The following ZNF704 variants were observed in gnomAD, a reference collection of about 807,000 sequenced individuals.
ZNF704 encodes glucocorticoid induced gene 1.
A neutral mutation model predicts 44.7 loss-of-function variants in ZNF704; 10 were observed. The observed-to-expected ratio is 0.22, with a 90% CI of 0.14 to 0.38. The LOEUF (loss-of-function observed/expected upper bound fraction) is 0.38, where lower values mean the gene tolerates loss of function less well. Among genes scored for constraint, ZNF704 ranks in the 10% least tolerant of loss-of-function variants. The pLI is 1.00. For missense variants in ZNF704, 390 were observed against 545.5 expected (o/e 0.71, Z 2.84); for synonymous variants, 211 against 207.6 (o/e 1.02, Z -0.14).
chr8:80,834,889 T>G (rs1808532816), intron 1 of ZNF704, among the ~76,000 whole-genome samples: 1 of 152,212 alleles, frequency 6.6e-6, no homozygotes, highest in Admixed American at 6.5e-5. Flanking sequence ...CTGCATAGTA[T>G]TCCATGGTGT....
intron 2 of ZNF704, among the ~76,000 whole-genome samples, chr8:80,695,790 G>C (rs1296220978): frequency 6.6e-6 from 1 of 152,146 alleles, no homozygotes; most frequent in Admixed American, 6.5e-5. Context: ...ATCATAAAGA[G>C]ATTTACAATG....
chr8:80,666,056 T>C lies in ZNF704; in HGVS notation c.660-974A>G, dbSNP rs189390869. Reference sequence around the variant, plus strand: ...GTATACATGTGCCGTGCTGGTGCGCTGCACCCACTAACTCGTCATCTAGCA... The same window carrying C: ...GTATACATGTGCCGTGCTGGTGCGCCGCACCCACTAACTCGTCATCTAGCA... On this transcript the variant is annotated intron_variant, in intron 5 of 8. Coordinates refer to ENST00000327835, the MANE Select transcript of ZNF704 (RefSeq NM_001033723.3). Among the ~76,000 whole-genome samples the C allele has an allele frequency of 5.2e-3, 788 of 152,034 alleles. 5 individuals carry two copies. Among genetic ancestry groups the C allele is most frequent in the African/African-American group, 0.018 (739 of 41,480 alleles).
intron 2 of ZNF704, among the ~76,000 whole-genome samples, chr8:80,700,745 G>A (rs1818797105): frequency 6.6e-6 from 1 of 152,184 alleles, no homozygotes; most frequent in Non-Finnish European, 1.5e-5. Flanking sequence ...TGGGTACTGA[G>A]GGAATCATTA....
At chr8:80,707,581 G>C (rs1818917294) in intron 2 of ZNF704, among the ~76,000 whole-genome samples, 1 of 152,182 alleles carries the variant, frequency 6.6e-6, no homozygotes, top group Non-Finnish European at 1.5e-5. Context: ...ATATGAAATT[G>C]TGAGTCTTCA....
At position 80,757,456 on chromosome 8, in the gene ZNF704, T is replaced by TA. The variant is rs530552660; in HGVS notation, c.221+63917dup. Among the ~76,000 whole-genome samples the TA allele has an allele frequency of 1.1e-3, 160 of 144,822 alleles. 1 individual carries two copies. Among genetic ancestry groups the TA allele is most frequent in the Middle Eastern group, 3.5e-3 (1 of 286 alleles). ...AGTGTTATTAAAAGAGTCAAAAAGT[T>TA]AAAAAAAAAAACCTTAAATGTTTAT... On this transcript the variant is annotated intron_variant, in intron 2 of 8. Transcript: ENST00000327835.
chr8:80,883,914 T>C, the ZNF704 span, among the ~76,000 whole-genome samples: 1 of 152,222 alleles, frequency 6.6e-6, no homozygotes, highest in East Asian at 1.9e-4. Flanking sequence ...TTTTAGTTTC[T>C]ATGTTTGTTA....
At chr8:80,703,417 G>A (rs1818843834) in intron 2 of ZNF704, among the ~76,000 whole-genome samples, 1 of 152,058 alleles carries the variant, frequency 6.6e-6, no homozygotes, top group Non-Finnish European at 1.5e-5. Flanking sequence ...CGAAGATCAG[G>A]GCTTAGTCTT....
chr8:80,867,389 T>C (rs1277284427), intron 1 of ZNF704, among the ~76,000 whole-genome samples: 2 of 152,188 alleles, frequency 1.3e-5, no homozygotes, highest in African/African-American at 4.8e-5. Context: ...GAGTGAGCTG[T>C]AGATCATTCC....
At chr8:80,664,349 G>A (rs1010215730) in intron 6 of ZNF704, among the ~76,000 whole-genome samples, 8 of 150,146 alleles carry the variant, frequency 5.3e-5, no homozygotes, top group African/African-American at 2.0e-4. Context: ...TCGGCTCACC[G>A]CAACCTCTGC....
chr8:80,849,806 T>C (rs1347277514), intron 1 of ZNF704, among the ~76,000 whole-genome samples: 2 of 152,310 alleles, frequency 1.3e-5, no homozygotes, highest in East Asian at 1.9e-4. Context: ...TTTATGATAG[T>C]TTTTTACATT....
upstream of ZNF704, among the ~76,000 whole-genome samples, chr8:80,878,474 T>C (rs76838860): frequency 0.013 from 1,989 of 152,274 alleles, 42 homozygotes; most frequent in African/African-American, 0.045. Context: ...CCTGTGAAAC[T>C]TTAATAGTTG....
chr8:80,702,583 G>A (rs937874008), intron 2 of ZNF704, among the ~76,000 whole-genome samples: 15 of 152,086 alleles, frequency 9.9e-5, no homozygotes, highest in Non-Finnish European at 2.2e-4. Context: ...GGCTGGACTG[G>A]GCAATGTGTG....
intron 2 of ZNF704, among the ~76,000 whole-genome samples, chr8:80,811,904 G>A (rs1374889191): frequency 6.6e-6 from 1 of 152,178 alleles, no homozygotes; most frequent in Non-Finnish European, 1.5e-5. Flanking sequence ...GGTGGCATTA[G>A]ATTCTCAAAG....
chr8:80,743,191 CAAAAAAAA>C (rs59886049), intron 2 of ZNF704, among the ~76,000 whole-genome samples: 2 of 35,824 alleles, frequency 5.6e-5, no homozygotes, highest in Non-Finnish European at 5.3e-5. Context: ...CTTGCAACTG[CAAAAAAAA>C]AAAAAAAAAA....
rs1400565396 is a variant in ZNF704 at position 80,874,448 on chromosome 8, T to A, written c.-22+123A>T. On this transcript the variant is annotated intron_variant, in intron 1 of 8. Coordinates refer to ENST00000327835, the MANE Select transcript of ZNF704 (RefSeq NM_001033723.3). This position sits in a 1 kb window ranked among gnomAD's most constrained non-coding sequence, Gnocchi z 4.4. ...GCTCCGGGCCTACCGCTGCCGTGCC[T>A]CGGCGCGAGCTGTTTGTGTTGTATG... is the stretch of plus-strand genomic sequence containing the variant. The A allele has an allele frequency of 6.6e-6, 1 of 150,704 alleles. No individual in the cohort carries two copies. 9.3% of individuals were successfully genotyped at this position (150,704 alleles called of 1,614,324 possible).
chr8:80,857,238 T>C (rs1285394824), intron 1 of ZNF704, among the ~76,000 whole-genome samples: 1 of 152,182 alleles, frequency 6.6e-6, no homozygotes, highest in African/African-American at 2.4e-5. Context: ...TCTTGCCTTA[T>C]CACACTGGCT....
intron 2 of ZNF704, among the ~76,000 whole-genome samples, chr8:80,717,562 T>C (rs1301556278): frequency 6.6e-6 from 1 of 152,238 alleles, no homozygotes; most frequent in African/African-American, 2.4e-5. Context: ...TGCCTCCCTC[T>C]TCCTCTTTGC....
At chr8:80,797,397 C>G (rs1396234683) in intron 2 of ZNF704, among the ~76,000 whole-genome samples, 3 of 152,184 alleles carry the variant, frequency 2.0e-5, no homozygotes, top group African/African-American at 7.2e-5. Flanking sequence ...AGTCTTCTGC[C>G]TGAGTCCACA....
intron 2 of ZNF704, among the ~76,000 whole-genome samples, chr8:80,740,360 A>G (rs575133473): frequency 1.3e-5 from 2 of 152,266 alleles, no homozygotes; most frequent in East Asian, 3.9e-4. Context: ...GGACGAACAA[A>G]GAATGCCTGT....
Sources: allele counts gnomAD v4.1 joint callset (sites outside exome capture counted in the v4.1 genomes callset), GRCh38; gene constraint gnomAD v4.1.1; non-coding constraint Gnocchi (gnomAD v3.1); transcripts MANE v1.5; gene names NCBI Gene and HGNC (gene_info 2026-07-23, HGNC 2026-07-21).